RNF212: variants seen among roughly 807,000 people sequenced by gnomAD.
RNF212 encodes probable E3 SUMO-protein ligase RNF212.
Under a neutral mutation model 34.7 loss-of-function variants are expected in RNF212, and 33 were observed. That is an observed-to-expected ratio of 0.95 (90% CI 0.72 to 1.27). The LOEUF (loss-of-function observed/expected upper bound fraction) is 1.27, where lower values mean the gene tolerates loss of function less well. Among genes scored for constraint, RNF212 ranks in the 50% most tolerant of loss-of-function variants. The pLI is 0.00. For missense variants in RNF212, 377 were observed against 362.2 expected, an observed-to-expected ratio of 1.04 and a Z score of -0.33; for synonymous variants, 140 against 136.1, an observed-to-expected ratio of 1.03 and a Z score of -0.20.
intron 3 of RNF212, among the ~76,000 whole-genome samples, chr4:1,064,809 C>A (rs1238489256): frequency 1.3e-5 from 2 of 152,162 alleles, no homozygotes; most frequent in Non-Finnish European, 2.9e-5. Context: ...AGCTTCCCAC[C>A]CCTCCATCCC....
At position 1,113,438 on chromosome 4, in the gene RNF212, G is replaced by A. The variant is rs370590742; in HGVS notation, c.27C>T (p.Arg9=). The A allele has an allele frequency of 7.6e-5, 122 of 1,608,070 alleles. No homozygotes were observed. Among genetic ancestry groups the A allele is most frequent in the Non-Finnish European group, 8.7e-5 (102 of 1,178,110 alleles). Residue 9 remains arginine, a synonymous_variant, in exon 1 of 10, where the codon CGC becomes CGT. Transcript: ENST00000433731. ...ACGTCCTGTGGGGCGGCTGGAAGCA[G>A]CGATTACAGAACACCCAGTTGGCCA... MANWVFCN[R]CFQPPHRTSC...
intron 5 of RNF212, among the ~76,000 whole-genome samples, chr4:1,083,797 G>A (rs538444887): frequency 2.0e-5 from 3 of 152,296 alleles, no homozygotes; most frequent in South Asian, 2.1e-4. Flanking sequence ...GTGGGGAGCT[G>A]CAGGTTGTGG....
chr4:1,102,867 C>T (rs1211662039), intron 2 of RNF212, among the ~76,000 whole-genome samples: 1 of 141,526 alleles, frequency 7.1e-6, no homozygotes, highest in Non-Finnish European at 1.5e-5. Context: ...AAAGGCCGGG[C>T]ACGGTGGCTC....
intron 8 of RNF212, among the ~76,000 whole-genome samples, chr4:1,078,865 C>T (rs955745162): frequency 1.3e-4 from 19 of 149,182 alleles, no homozygotes; most frequent in Admixed American, 8.7e-4. Context: ...ATAGGACCAA[C>T]ACAGGGTCAA....
At chr4:1,088,904 C>T (rs1303550457) in intron 4 of RNF212, among the ~76,000 whole-genome samples, 1 of 152,250 alleles carries the variant, frequency 6.6e-6, no homozygotes, top group Admixed American at 6.5e-5. Context: ...GATTTGGGAA[C>T]CTCCACCTAG....
chr4:1,092,295 TGCA>T (rs1722310056), intron 3 of RNF212, among the ~76,000 whole-genome samples: 1 of 152,190 alleles, frequency 6.6e-6, no homozygotes, highest in African/African-American at 2.4e-5. Flanking sequence ...CAGGTGTTGC[TGCA>T]GCAAGGACTG....
chr4:1,092,573 G>A (rs903842909), intron 3 of RNF212, among the ~76,000 whole-genome samples: 2 of 152,192 alleles, frequency 1.3e-5, no homozygotes, highest in East Asian at 3.8e-4. Flanking sequence ...CCTCAGAAGA[G>A]GGTAGATTTT....
intron 2 of RNF212, among the ~76,000 whole-genome samples, chr4:1,105,519 C>A (rs1446362895): frequency 6.6e-6 from 1 of 152,246 alleles, no homozygotes; most frequent in Non-Finnish European, 1.5e-5. Context: ...AGGAACACAG[C>A]GTCAGAGGGT....
At chr4:1,081,391 C>T in intron 7 of RNF212, 28 bp downstream of exon 7, 3 of 1,602,334 alleles carry the variant, frequency 1.9e-6, no homozygotes, top group Non-Finnish European at 1.7e-6. Flanking sequence ...CCTGCAGGTC[C>T]TGTGATTTCT....
At chr4:1,110,861 C>A (rs993169436) in intron 1 of RNF212, among the ~76,000 whole-genome samples, 1 of 152,142 alleles carries the variant, frequency 6.6e-6, no homozygotes, top group African/African-American at 2.4e-5. Context: ...GCATCTGTGG[C>A]TTTTTGGAGG....
At chr4:1,068,110 A>C (rs1245358138), downstream of RNF212, among the ~76,000 whole-genome samples, 3 of 152,234 alleles carry the variant, frequency 2.0e-5, no homozygotes, top group Non-Finnish European at 2.9e-5. Flanking sequence ...ATTTGACACT[A>C]TCCTAACATT....
chr4:1,113,633 G>A (rs375917351), upstream of RNF212: 8 of 505,900 alleles, frequency 1.6e-5, no homozygotes, highest in South Asian at 1.4e-4. Flanking sequence ...CAACCTCGCG[G>A]GTTCTCCCGC....
chr4:1,087,448 G>T (rs1369447342), intron 4 of RNF212, among the ~76,000 whole-genome samples: 1 of 111,938 alleles, frequency 8.9e-6, no homozygotes, highest in Non-Finnish European at 1.9e-5. Flanking sequence ...GGATGGGGTG[G>T]GGTGACAAGG....
intron 3 of RNF212, among the ~76,000 whole-genome samples, 160 bp from the exon 4 acceptor site, chr4:1,090,998 C>T (rs905749286): frequency 6.6e-6 from 1 of 152,234 alleles, no homozygotes; most frequent in African/African-American, 2.4e-5. Context: ...AGTGCTTGCA[C>T]AGGCAGGGCC....
At chr4:1,061,857 C>T (rs1717772457) in intron 3 of RNF212, among the ~76,000 whole-genome samples, 1 of 152,212 alleles carries the variant, frequency 6.6e-6, no homozygotes, top group Middle Eastern at 3.2e-3. Context: ...GGGACAAATA[C>T]AGTACCCAGG....
chr4:1,099,011 C>T (rs1723501012), intron 2 of RNF212, among the ~76,000 whole-genome samples: 1 of 152,116 alleles, frequency 6.6e-6, no homozygotes, highest in African/African-American at 2.4e-5. Flanking sequence ...ATGACAGACA[C>T]CCCAGGATGT....
At chr4:1,093,671 C>T in intron 3 of RNF212, 2 of 1,536,044 alleles carry the variant, frequency 1.3e-6, no homozygotes, top group Non-Finnish European at 1.7e-6. Flanking sequence ...TTGGCAAAAC[C>T]ACCCTGGAGC....
chr4:1,093,504 A>G, intron 3 of RNF212: 1 of 1,441,054 alleles, frequency 6.9e-7, no homozygotes, highest in South Asian at 1.3e-5. Context: ...TAACTGACAA[A>G]CAGTGGGGCC....
intron 3 of RNF212, chr4:1,096,510 A>G: frequency 2.5e-6 from 1 of 402,176 alleles, no homozygotes; most frequent in Non-Finnish European, 4.5e-6. Context: ...GGAACCAAGC[A>G]CACCCCCCAC....
Sources: allele counts gnomAD v4.1 joint callset (sites outside exome capture counted in the v4.1 genomes callset), GRCh38; gene constraint gnomAD v4.1.1; transcripts MANE v1.5; gene names NCBI Gene and HGNC (gene_info 2026-07-23, HGNC 2026-07-21).